The following FAM83F variants were observed in gnomAD, a reference collection of about 807,000 sequenced individuals.
The protein encoded by FAM83F is protein FAM83F.
Under a neutral mutation model 42.9 loss-of-function variants are expected in FAM83F, and 45 were observed. The ratio of observed to expected loss-of-function variants is 1.05; its 90% CI spans 0.83 to 1.35. The LOEUF is 1.35. Among genes scored for constraint, FAM83F ranks in the 40% most tolerant of loss-of-function variants. The probability of loss-of-function intolerance (pLI) is 0.00; values close to 1 mark genes in which losing one functional copy is unlikely to be tolerated. For missense variants in FAM83F, 617 were observed against 695.9 expected (o/e 0.89, Z 1.28); for synonymous variants, 306 against 298.3 (o/e 1.03, Z -0.27).
At chr22:40,004,154 C>A (rs747035552) in intron 1 of FAM83F, among the ~76,000 whole-genome samples, 13 of 151,924 alleles carry the variant, frequency 8.6e-5, no homozygotes, top group Admixed American at 3.9e-4. Flanking sequence ...TGCCTTAAGT[C>A]TAATGGGGGG....
At position 40,042,939 on chromosome 22, in the gene FAM83F, G is replaced by T. The variant is rs1342335363; in HGVS notation, c.*13374G>T. 2 of 152,146 alleles carry T rather than the reference G, an allele frequency of 1.3e-5. No individual in the cohort carries two copies. The highest frequency in any genetic ancestry group is 4.8e-5 in the African/African-American group (2 of 41,418). The allele number at this position is 152,146 out of a possible 1,614,324, so 9.4% of individuals were successfully genotyped here. A position where few individuals can be genotyped will look rare whatever the true frequency, so the allele number is the denominator to read the frequency against. Reference sequence around the variant, plus strand: ...TGAGTTCAGAATCCCCATACTGGAAGGCTAATATGGGGTATGTGCATACAA... The same window carrying T: ...TGAGTTCAGAATCCCCATACTGGAATGCTAATATGGGGTATGTGCATACAA... On this transcript the variant is annotated 3_prime_UTR_variant, in exon 5 of 5. Transcript: ENST00000333407.
chr22:40,017,414 G>A (rs1385188958), intron 1 of FAM83F, among the ~76,000 whole-genome samples: 2 of 151,904 alleles, frequency 1.3e-5, no homozygotes, highest in African/African-American at 4.8e-5. Flanking sequence ...TGTATTTTTA[G>A]TAGAGACAGG....
rs988934670 is a variant in FAM83F, at chr22:40,021,111, A to G, written c.780-179A>G. ...TGCCTGCTTGCTTCATTTGAGGCCAAGCTCTGGGGAAAGGGAGGCTACGGG... is the reference window on the plus strand; with the variant it reads ...TGCCTGCTTGCTTCATTTGAGGCCAGGCTCTGGGGAAAGGGAGGCTACGGG... On this transcript the variant is annotated intron_variant, in intron 3 of 4. Coordinates refer to ENST00000333407, the MANE Select transcript of FAM83F (RefSeq NM_138435.4). The surrounding 1 kb of genome is among the most constrained non-coding windows in gnomAD (Gnocchi z 8.7). Among the ~76,000 whole-genome samples the G allele has an allele frequency of 6.6e-6, 1 of 152,192 alleles. No individual in the cohort carries two copies. The highest frequency in any genetic ancestry group is 1.5e-5 in the Non-Finnish European group (1 of 68,032).
chr22:40,006,594 T>A (rs1390957846), intron 1 of FAM83F, among the ~76,000 whole-genome samples: 1 of 152,244 alleles, frequency 6.6e-6, no homozygotes, highest in Non-Finnish European at 1.5e-5. Context: ...CTGTGTGAGT[T>A]AAGGCACAAG....
At chr22:40,006,107 GC>G (rs2067426765) in intron 1 of FAM83F, among the ~76,000 whole-genome samples, 1 of 152,190 alleles carries the variant, frequency 6.6e-6, no homozygotes, top group African/African-American at 2.4e-5. Context: ...AGGTGTGGTG[GC>G]ATACTCCTGT....
chr22:40,029,272 TG>T (rs2067573359), intron 4 of FAM83F, among the ~76,000 whole-genome samples: 1 of 152,190 alleles, frequency 6.6e-6, no homozygotes, highest in Non-Finnish European at 1.5e-5. Context: ...GGTCAGGAGA[TG>T]GCTGTCACCT....
Position 39,995,318 on chromosome 22 carries a change from G to GGCCAAA in FAM83F, c.279_280insAAAGCC (p.Lys92_Ala93dup), listed in dbSNP as rs1033107729. ...GGGGCAAGAGCAAGGCCAAGGCCAAGGCCCCCGCGCCGGCGCCGGCTGAGT... is the reference window on the plus strand; with the variant it reads ...GGGGCAAGAGCAAGGCCAAGGCCAAGGCCAAAGCCCCCGCGCCGGCGCCGGCTGAGT... On this transcript the variant is annotated inframe_insertion, in exon 1 of 5. Transcript: ENST00000333407. The surrounding 1 kb of genome is among the most constrained non-coding windows in gnomAD (Gnocchi z 4.6). 3 of 1,538,418 alleles carry GGCCAAA rather than the reference G, an allele frequency of 2.0e-6. No individual in the cohort carries two copies. The African/African-American group carries it at 4.1e-5, about 21-fold the overall frequency.
At position 39,995,558 on chromosome 22, in the gene FAM83F, C is replaced by T. The variant is rs751632286; in HGVS notation, c.489+27C>T. 12 of 1,523,148 alleles carry T rather than the reference C, an allele frequency of 7.9e-6. No individual in the cohort carries two copies. Among genetic ancestry groups the T allele is most frequent in the Admixed American group, 2.0e-5 (1 of 50,254 alleles). 94.4% of individuals were successfully genotyped at this position (1,523,148 alleles called of 1,614,324 possible). Reference sequence around the variant, plus strand: ...TAGGCCCCCGCCTTCGCCCCCACACCGCTGGGACCTCGGCCCCAGTCCCCT... The same window carrying T: ...TAGGCCCCCGCCTTCGCCCCCACACTGCTGGGACCTCGGCCCCAGTCCCCT... On this transcript the variant is annotated intron_variant, in intron 1 of 4. Coordinates refer to ENST00000333407, the MANE Select transcript of FAM83F (RefSeq NM_138435.4). The surrounding 1 kb of genome is among the most constrained non-coding windows in gnomAD (Gnocchi z 4.6).
At chr22:40,008,281 C>G (rs2067446531) in intron 1 of FAM83F, among the ~76,000 whole-genome samples, 1 of 152,254 alleles carries the variant, frequency 6.6e-6, no homozygotes, top group South Asian at 2.1e-4. Context: ...TCCTCGGGAG[C>G]TCAGCGGGCC....
At chr22:40,008,467 A>G (rs1280872477) in intron 1 of FAM83F, among the ~76,000 whole-genome samples, 1 of 152,198 alleles carries the variant, frequency 6.6e-6, no homozygotes, top group African/African-American at 2.4e-5. Context: ...CTGTAAAGGC[A>G]TCACCTCCCC....
At position 40,042,302 on chromosome 22, in the gene FAM83F, T is replaced by C. The variant is rs576712762; in HGVS notation, c.*12737T>C. ...GGCACAATGAGGTGGAGTGGACAAA[T>C]TGCTGAGGCCTTTATGGACAAAGAT... On this transcript the variant is annotated 3_prime_UTR_variant, in exon 5 of 5. Coordinates refer to ENST00000333407, the MANE Select transcript of FAM83F (RefSeq NM_138435.4). 7 of 152,248 alleles carry C rather than the reference T, an allele frequency of 4.6e-5. No homozygotes were observed. Among genetic ancestry groups the C allele is most frequent in the Non-Finnish European group, 8.8e-5 (6 of 68,044 alleles). 9.4% of individuals were successfully genotyped at this position (152,248 alleles called of 1,614,324 possible).
At position 40,015,703 on chromosome 22, in the gene FAM83F, G is replaced by A. The variant is rs5757829; in HGVS notation, c.490-3465G>A. 7.2e-5 allele frequency among the ~76,000 whole-genome samples: 11 copies of A among 152,208 alleles called. No homozygotes were observed. The South Asian group carries it at 2.3e-3, about 32-fold the overall frequency. On this transcript the variant is annotated intron_variant, in intron 1 of 4. Transcript: ENST00000333407. Reference sequence around the variant, plus strand: ...AAGGCTTCCCGTCCTTCACAGTTCAGCTTCCTTGGTAAAGTCTTATCCTCC... The same window carrying A: ...AAGGCTTCCCGTCCTTCACAGTTCAACTTCCTTGGTAAAGTCTTATCCTCC...
At chr22:40,018,418 C>T (rs2067502395) in intron 1 of FAM83F, among the ~76,000 whole-genome samples, 2 of 152,264 alleles carry the variant, frequency 1.3e-5, no homozygotes, top group South Asian at 2.1e-4. Context: ...CCCTAGATCT[C>T]CCATGATATG....
chr22:40,019,396 C>T lies in FAM83F; in HGVS notation c.657+61C>T, dbSNP rs563807032. Reference sequence around the variant, plus strand: ...GATGAGACAGAGACTACCTCTGCCCCGTCCTGCAGCTCCCCCCTGCCTCTT... The same window carrying T: ...GATGAGACAGAGACTACCTCTGCCCTGTCCTGCAGCTCCCCCCTGCCTCTT... On this transcript the variant is annotated intron_variant, in intron 2 of 4. Coordinates refer to ENST00000333407, the MANE Select transcript of FAM83F (RefSeq NM_138435.4). 68 of 1,495,670 alleles carry T rather than the reference C, an allele frequency of 4.5e-5. No individual in the cohort carries two copies. The Middle Eastern group carries it at 7.1e-4, about 16-fold the overall frequency. The allele number at this position is 1,495,670 out of a possible 1,614,324, so 92.6% of individuals were successfully genotyped here.
At position 39,995,864 on chromosome 22, in the gene FAM83F, C is replaced by A. The variant is rs1054409324; in HGVS notation, c.489+333C>A. ...CCGAGGCCCTGTGGTTAAAATGCAC[C>A]ACTCAAAGGTCTTGATGATAACCTA... On this transcript the variant is annotated intron_variant, in intron 1 of 4. Coordinates refer to ENST00000333407, the MANE Select transcript of FAM83F (RefSeq NM_138435.4). This position sits in a 1 kb window ranked among gnomAD's most constrained non-coding sequence, Gnocchi z 4.6. Among the ~76,000 whole-genome samples, 1 of 152,216 alleles carries A rather than the reference C, an allele frequency of 6.6e-6. No individual in the cohort carries two copies. Among genetic ancestry groups the A allele is most frequent in the Non-Finnish European group, 1.5e-5 (1 of 68,032 alleles).
intron 1 of FAM83F, among the ~76,000 whole-genome samples, chr22:39,996,289 ACTTTAAT>A (rs2067373361): frequency 6.6e-6 from 1 of 152,178 alleles, no homozygotes; most frequent in Non-Finnish European, 1.5e-5. Context: ...CAGGTGGAAG[ACTTTAAT>A]CTTTATGCCT....
rs1233104910 is a variant in FAM83F, at chr22:39,994,981, G to C, written c.-62G>C. Reference sequence around the variant, plus strand: ...CCCGCCCCTCGGCGGCTCCAGGTGCGGCTGTGGGACCTCGGACCGCGGCGG... The same window carrying C: ...CCCGCCCCTCGGCGGCTCCAGGTGCCGCTGTGGGACCTCGGACCGCGGCGG... On this transcript the variant is annotated 5_prime_UTR_variant, in exon 1 of 5. Transcript: ENST00000333407. The C allele has an allele frequency of 4.9e-6, 6 of 1,213,696 alleles. No homozygotes were observed. Among genetic ancestry groups the C allele is most frequent in the African/African-American group, 3.2e-5 (2 of 62,348 alleles). 75.2% of individuals were successfully genotyped at this position (1,213,696 alleles called of 1,614,324 possible).
rs571201980 is a variant in FAM83F at position 39,998,571 on chromosome 22, C to A, written c.489+3040C>A. Among the ~76,000 whole-genome samples the A allele has an allele frequency of 1.6e-3, 239 of 152,134 alleles. 1 individual carries two copies. Among genetic ancestry groups the A allele is most frequent in the African/African-American group, 5.5e-3 (230 of 41,492 alleles). Reference sequence around the variant, plus strand: ...AGTGAGGAAACAGCCCAGCAGGGGCCTTGTGGACTGGTAGGAGGGCCTTTG... The same window carrying A: ...AGTGAGGAAACAGCCCAGCAGGGGCATTGTGGACTGGTAGGAGGGCCTTTG... On this transcript the variant is annotated intron_variant, in intron 1 of 4. Coordinates refer to ENST00000333407, the MANE Select transcript of FAM83F (RefSeq NM_138435.4).
chr22:40,026,886 T>C (rs1465636213), intron 4 of FAM83F, among the ~76,000 whole-genome samples: 1 of 152,198 alleles, frequency 6.6e-6, no homozygotes, highest in Non-Finnish European at 1.5e-5. Context: ...CTCAGATCTC[T>C]CTCTTGCTCT....
Sources: allele counts gnomAD v4.1 joint callset (sites outside exome capture counted in the v4.1 genomes callset), GRCh38; gene constraint gnomAD v4.1.1; non-coding constraint Gnocchi (gnomAD v3.1); transcripts MANE v1.5; gene names NCBI Gene and HGNC (gene_info 2026-07-23, HGNC 2026-07-21).